Variants in MGAT5 observed in about 807,000 individuals in gnomAD.
MGAT5 encodes the protein alpha-1,6-mannosylglycoprotein 6-beta-N-acetylglucosaminyltransferase.
MGAT5 carries 30 observed loss-of-function variants against 94.3 expected under a neutral mutation model. That is an observed-to-expected ratio of 0.32 (90% CI 0.24 to 0.43). The LOEUF is 0.43. MGAT5 is among the 20% of genes least tolerant of loss of function. The pLI is 1.00. For synonymous variants in MGAT5, 310 were observed against 322.9 expected, an observed-to-expected ratio of 0.96 and a Z score of 0.43; for missense variants, 691 against 905.5, an observed-to-expected ratio of 0.76 and a Z score of 3.04.
At chr2:134,390,512 TATAGAA>T (rs1168545497) in intron 10 of MGAT5, among the ~76,000 whole-genome samples, 1 of 152,174 alleles carries the variant, frequency 6.6e-6, no homozygotes, top group Non-Finnish European at 1.5e-5. Context: ...AATCAGAAAA[TATAGAA>T]AGGAATTATT....
intron 1 of MGAT5, among the ~76,000 whole-genome samples, chr2:134,196,133 A>T (rs1679485825): frequency 1.3e-5 from 2 of 152,154 alleles, no homozygotes; most frequent in Admixed American, 1.3e-4. Flanking sequence ...GAATTTGCTC[A>T]TTGCCTCTGT....
chr2:134,131,085 T>C (rs1282532892), intron 1 of MGAT5, among the ~76,000 whole-genome samples: 1 of 152,202 alleles, frequency 6.6e-6, no homozygotes, highest in Admixed American at 6.5e-5. Context: ...GGTCACTCTT[T>C]GGGTCCACAC....
intron 14 of MGAT5, among the ~76,000 whole-genome samples, chr2:134,433,998 G>A (rs1162094461): frequency 2.0e-5 from 3 of 152,168 alleles, no homozygotes; most frequent in African/African-American, 7.2e-5. Flanking sequence ...GAAAGAGTTG[G>A]CTGCAGTGGG....
intron 1 of MGAT5, among the ~76,000 whole-genome samples, chr2:134,120,495 C>T (rs1382648686): frequency 6.6e-6 from 1 of 151,598 alleles, no homozygotes; most frequent in South Asian, 2.1e-4. Context: ...CTCTGCAGGA[C>T]GCCGGAGTGG....
At chr2:134,188,125 A>G (rs1232907325) in intron 1 of MGAT5, among the ~76,000 whole-genome samples, 2 of 152,258 alleles carry the variant, frequency 1.3e-5, no homozygotes, top group Non-Finnish European at 2.9e-5. Flanking sequence ...TGTTCTCAAA[A>G]TTAGTTCTCC....
chr2:134,400,609 A>T (rs1002619469), intron 10 of MGAT5, among the ~76,000 whole-genome samples: 10 of 152,232 alleles, frequency 6.6e-5, no homozygotes, highest in African/African-American at 2.2e-4. Context: ...TTAGTCTGGG[A>T]ACCCTAATCT....
At position 134,145,214 on chromosome 2, in the gene MGAT5, C is replaced by CTCTGTGTGTGTGTGTG. The variant is rs373377770; in HGVS notation, c.-143+24924_-143+24925insCTGTGTGTGTGTGTGT. Among the ~76,000 whole-genome samples, 686 of 143,860 alleles carry CTCTGTGTGTGTGTGTG rather than the reference C, an allele frequency of 4.8e-3. 7 individuals carry two copies. Among genetic ancestry groups the CTCTGTGTGTGTGTGTG allele is most frequent in the African/African-American group, 0.016 (623 of 38,568 alleles). The allele number at this position is 143,860 out of a possible 152,430, so 94.4% of individuals were successfully genotyped here. On this transcript the variant is annotated intron_variant, in intron 1 of 16. Coordinates refer to the MGAT5 transcript ENST00000409645. ...GTAAGGTGTGTGTGTGTCTCTCTCT[C>CTCTGTGTGTGTGTGTG]TGTGTGTGTGTGTGTGTGTGTGTGT...
At chr2:134,283,557 C>T (rs929498554) in intron 2 of MGAT5, among the ~76,000 whole-genome samples, 4 of 148,618 alleles carry the variant, frequency 2.7e-5, no homozygotes, top group Non-Finnish European at 5.9e-5. Context: ...GTCATGAAGT[C>T]GGTGCACAGT....
chr2:134,227,546 A>C lies in MGAT5; in HGVS notation c.-142-26716A>C, dbSNP rs12611856. On this transcript the variant is annotated intron_variant, in intron 1 of 16. Transcript: ENST00000409645. ...TATTGCCTAAAACAAATAAAAAATA[A>C]TACCTCTCAAACCTCTTTGTTAGTA... Among the ~76,000 whole-genome samples the C allele has an allele frequency of 3.2e-4, 48 of 152,364 alleles. No individual in the cohort carries two copies. The East Asian group carries it at 8.7e-3, about 28-fold the overall frequency.
At chr2:134,247,346 C>A (rs538308735) in intron 1 of MGAT5, among the ~76,000 whole-genome samples, 3 of 133,176 alleles carry the variant, frequency 2.3e-5, no homozygotes, top group East Asian at 4.2e-4. Context: ...TGAATAGATA[C>A]CTGGGCCTGA....
At chr2:134,195,312 A>G (rs1394202302) in intron 1 of MGAT5, among the ~76,000 whole-genome samples, 3 of 152,238 alleles carry the variant, frequency 2.0e-5, no homozygotes, top group Non-Finnish European at 4.4e-5. Flanking sequence ...TTTAACTCAG[A>G]AAAAAGATTC....
At position 134,220,658 on chromosome 2, in the gene MGAT5, A is replaced by G. The variant is rs182446210; in HGVS notation, c.-142-33604A>G. Among the ~76,000 whole-genome samples, 5 of 152,296 alleles carry G rather than the reference A, an allele frequency of 3.3e-5. No individual in the cohort carries two copies. The East Asian group carries it at 5.8e-4, about 18-fold the overall frequency. Reference sequence around the variant, plus strand: ...GTCCTTAGTGCGTATGTGTATGTGTATGCACGCTGCTGCTGTTTTTTGCTT... The same window carrying G: ...GTCCTTAGTGCGTATGTGTATGTGTGTGCACGCTGCTGCTGTTTTTTGCTT... On this transcript the variant is annotated intron_variant, in intron 1 of 16. Coordinates refer to the MGAT5 transcript ENST00000409645.
At chr2:134,383,416 G>A (rs1448707739) in intron 10 of MGAT5, among the ~76,000 whole-genome samples, 1 of 152,072 alleles carries the variant, frequency 6.6e-6, no homozygotes, top group Admixed American at 6.6e-5. Flanking sequence ...CTTATAAAAC[G>A]CCAAATGCCT....
intron 14 of MGAT5, among the ~76,000 whole-genome samples, chr2:134,434,687 A>G (rs575474429): frequency 6.6e-6 from 1 of 152,110 alleles, no homozygotes; most frequent in East Asian, 2.0e-4. Context: ...TACAGCCTAC[A>G]AAACCCAGAT....
chr2:134,322,085 T>C (rs1687359154), intron 4 of MGAT5, among the ~76,000 whole-genome samples: 1 of 152,194 alleles, frequency 6.6e-6, no homozygotes, highest in African/African-American at 2.4e-5. Context: ...TAACCTTTTG[T>C]GCCTAGGATT....
Position 134,444,108 on chromosome 2 carries a change from T to C in MGAT5, c.2027+2193T>C, listed in dbSNP as rs1418775134. On this transcript the variant is annotated intron_variant, in intron 15 of 15. Coordinates refer to ENST00000281923, the MANE Select transcript of MGAT5 (RefSeq NM_002410.5). ...CCTCAGTTCTGCCAGTTTTCTCATC[T>C]GTAAAATGGGGATATCCTAGGTGAT... is the stretch of plus-strand genomic sequence containing the variant. Among the ~76,000 whole-genome samples the C allele has an allele frequency of 2.0e-5, 3 of 152,212 alleles. 1 individual carries two copies. Among genetic ancestry groups the C allele is most frequent in the Non-Finnish European group, 1.5e-5 (1 of 68,026 alleles).
At chr2:134,360,968 TC>T (rs1186483555) in intron 9 of MGAT5, among the ~76,000 whole-genome samples, 3 of 152,218 alleles carry the variant, frequency 2.0e-5, no homozygotes, top group African/African-American at 7.2e-5. Context: ...TTTACATGGC[TC>T]GTGCATTTCC....
At chr2:134,356,307 A>AT (rs915785138) in intron 9 of MGAT5, among the ~76,000 whole-genome samples, 101 of 150,052 alleles carry the variant, frequency 6.7e-4, no homozygotes, top group Non-Finnish European at 8.9e-4. Context: ...CACTTCTTTG[A>AT]TTTTTTTTTT....
At chr2:134,306,899 G>T (rs772424106) in intron 2 of MGAT5, among the ~76,000 whole-genome samples, 6 of 152,130 alleles carry the variant, frequency 3.9e-5, no homozygotes, top group Admixed American at 1.3e-4. Context: ...GTTCAGTGTG[G>T]TCAAGGACTT....
Sources: gnomAD v4.1 joint callset for allele counts (sites outside exome capture counted in the v4.1 genomes callset) on GRCh38, gnomAD v4.1.1 for gene constraint, MANE v1.5 for transcripts, NCBI Gene and HGNC (gene_info 2026-07-23, HGNC 2026-07-21) for gene names.